The following SYNPO2 variants were observed in gnomAD, a reference collection of about 807,000 sequenced individuals.
SYNPO2 encodes synaptopodin-2.
SYNPO2 carries 56 observed loss-of-function variants against 85.0 expected under a neutral mutation model. The observed-to-expected ratio is 0.66, with a 90% confidence interval of 0.53 to 0.82. The LOEUF is 0.82. Ranked by LOEUF, SYNPO2 falls within the 40% of genes least tolerant of loss-of-function variation. The pLI is 0.00. For synonymous variants in SYNPO2, 602 were observed against 591.1 expected, an observed-to-expected ratio of 1.02 and a Z score of -0.27; for missense variants, 1,575 against 1,534.2, an observed-to-expected ratio of 1.03 and a Z score of -0.44.
Position 119,027,396 on chromosome 4 carries a change from A to T in SYNPO2, c.1027A>T (p.Lys343Ter). ...TEQGEDPRSE[K>*]DHSRPHKHRA... is the part of the protein sequence containing the mutation. The stretch of plus-strand genomic sequence containing the variant: ...GCAGGGAGAAGATCCACGCTCGGAA[A>T]AAGATCACAGCAGACCTCACAAGCA... The change falls in exon 3 of 5, where the codon AAA becomes TAA. Residue 343 changes from lysine to a stop codon, truncating the protein, a stop_gained. Coordinates refer to ENST00000307142, the MANE Select transcript of SYNPO2 (RefSeq NM_133477.3). LOFTEE classifies it high-confidence loss of function. 1.2e-6 allele frequency: 2 copies of T among 1,612,328 alleles called. No homozygotes were observed. Among genetic ancestry groups the T allele is most frequent in the Non-Finnish European group, 1.7e-6 (2 of 1,179,406 alleles).
At chr4:118,887,963 C>G (rs1732237000), upstream of SYNPO2, among the ~76,000 whole-genome samples, 1 of 152,046 alleles carries the variant, frequency 6.6e-6, no homozygotes, top group Non-Finnish European at 1.5e-5. Flanking sequence ...ATTAAAATGT[C>G]CTTTTTGTAC....
At chr4:118,931,070 A>G (rs1240513586) in intron 1 of SYNPO2, among the ~76,000 whole-genome samples, 1 of 152,184 alleles carries the variant, frequency 6.6e-6, no homozygotes, top group Non-Finnish European at 1.5e-5. Context: ...ATATTGTTAT[A>G]TTTATTATGT....
intron 1 of SYNPO2, among the ~76,000 whole-genome samples, chr4:118,881,689 G>A (rs1732105274): frequency 6.6e-6 from 1 of 152,164 alleles, no homozygotes; most frequent in Non-Finnish European, 1.5e-5. Context: ...TTTTCCCTAA[G>A]CCACGTTCGG....
intron 1 of SYNPO2, among the ~76,000 whole-genome samples, chr4:118,953,388 C>G (rs1347321387): frequency 1.3e-5 from 2 of 152,152 alleles, no homozygotes. Flanking sequence ...ATTCTAACCC[C>G]TGAGCAGGGC....
chr4:118,996,494 T>G (rs982752406), intron 1 of SYNPO2, among the ~76,000 whole-genome samples: 2 of 152,146 alleles, frequency 1.3e-5, no homozygotes, highest in Non-Finnish European at 2.9e-5. Flanking sequence ...AGTGATTGAA[T>G]AAACAAAACA....
chr4:119,026,488 T>C (rs1737948391), intron 2 of SYNPO2, 139 bp from the exon 3 acceptor site: 2 of 936,640 alleles, frequency 2.1e-6, no homozygotes, highest in Non-Finnish European at 3.1e-6. Flanking sequence ...CCTTCTGTTT[T>C]CAAATATGTT....
chr4:118,957,244 A>G (rs1392275972), intron 1 of SYNPO2, among the ~76,000 whole-genome samples: 1 of 152,118 alleles, frequency 6.6e-6, no homozygotes, highest in Non-Finnish European at 1.5e-5. Flanking sequence ...GTGATCTTCC[A>G]TGGCAGGGAC....
chr4:118,934,572 C>T (rs571151398), intron 1 of SYNPO2, among the ~76,000 whole-genome samples: 1 of 152,302 alleles, frequency 6.6e-6, no homozygotes, highest in South Asian at 2.1e-4. Context: ...CAAACCCCTT[C>T]CCACCACTCC....
rs1246770004 is a variant in SYNPO2 at position 119,031,471 on chromosome 4, G to A, written c.2696G>A (p.Arg899Gln). The change falls in exon 4 of 5, where the codon CGA becomes CAA. Residue 899 changes from arginine to glutamine, a missense_variant. Arg to Gln is a conservative substitution (Grantham distance 43, BLOSUM62 1). Transcript: ENST00000307142. Reference protein sequence around the residue: ...DSDTVQAHAARAQSPTPSLPA... With the variant: ...DSDTVQAHAAQAQSPTPSLPA... ...GACACGGTGCAGGCCCACGCTGCTC[G>A]AGCTCAGTCTCCCACTCCATCTCTC... 6.2e-7 allele frequency: 1 copy of A among 1,614,084 alleles called. No homozygotes were observed. The highest frequency in any genetic ancestry group is 8.5e-7 in the Non-Finnish European group (1 of 1,180,020).
chr4:118,990,983 A>T (rs955580422), intron 1 of SYNPO2, among the ~76,000 whole-genome samples: 6 of 152,180 alleles, frequency 3.9e-5, no homozygotes, highest in African/African-American at 1.4e-4. Flanking sequence ...GCAGCTCCAC[A>T]TGCAGCCTGA....
At chr4:118,892,538 T>C (rs1732410067) in intron 1 of SYNPO2, among the ~76,000 whole-genome samples, 1 of 152,190 alleles carries the variant, frequency 6.6e-6, no homozygotes, top group Non-Finnish European at 1.5e-5. Flanking sequence ...CATGTACTTA[T>C]CTGGCCCTGT....
At chr4:119,016,133 T>G (rs1737516857) in intron 1 of SYNPO2, among the ~76,000 whole-genome samples, 1 of 152,348 alleles carries the variant, frequency 6.6e-6, no homozygotes, top group Non-Finnish European at 1.5e-5. Flanking sequence ...GAGAGCTTAC[T>G]TGTAAGTTCT....
At chr4:118,908,688 AC>A (rs1337350352) in intron 1 of SYNPO2, among the ~76,000 whole-genome samples, 1 of 152,152 alleles carries the variant, frequency 6.6e-6, no homozygotes, top group African/African-American at 2.4e-5. Context: ...TTTGGGAGAT[AC>A]GTGAAAATAG....
At chr4:118,971,857 A>G (rs1280823102) in intron 1 of SYNPO2, among the ~76,000 whole-genome samples, 1 of 77,156 alleles carries the variant, frequency 1.3e-5, no homozygotes, top group Non-Finnish European at 3.2e-5. Context: ...CAGAAGTGTT[A>G]TGTTCTCCCA....
chr4:118,958,751 T>C (rs894274251), intron 1 of SYNPO2, among the ~76,000 whole-genome samples: 4 of 152,212 alleles, frequency 2.6e-5, no homozygotes, highest in African/African-American at 9.6e-5. Flanking sequence ...GTCATGTTTC[T>C]TCCAGGAGCA....
intron 1 of SYNPO2, among the ~76,000 whole-genome samples, chr4:119,018,749 G>A (rs1737610402): frequency 6.6e-6 from 1 of 152,038 alleles, no homozygotes; most frequent in Non-Finnish European, 1.5e-5. Context: ...GTGTTTTGTG[G>A]CATGACTATA....
chr4:118,856,118 G>A (rs115994609), intron 1 of SYNPO2, among the ~76,000 whole-genome samples: 6,265 of 152,228 alleles, frequency 0.041, 197 homozygotes, highest in Non-Finnish European at 0.064. Context: ...TGGCCCCACA[G>A]CTAGTCAGCG....
chr4:118,997,797 G>C (rs1283323295), intron 1 of SYNPO2, among the ~76,000 whole-genome samples: 3 of 152,198 alleles, frequency 2.0e-5, no homozygotes, highest in African/African-American at 7.2e-5. Flanking sequence ...CATTCAGAAA[G>C]ACACATTCTT....
intron 2 of SYNPO2, 113 bp downstream of exon 2, chr4:119,023,694 GAAGGTTAGGTATAGTTAA>G: frequency 8.0e-7 from 1 of 1,249,738 alleles, no homozygotes; most frequent in Non-Finnish European, 1.1e-6. Flanking sequence ...GTGCTTTGTA[GAAGGTTAGGTATAGTTAA>G]ACAGAAACAC....
Sources: gnomAD v4.1 joint callset for allele counts (sites outside exome capture counted in the v4.1 genomes callset) on GRCh38, gnomAD v4.1.1 for gene constraint, MANE v1.5 for transcripts, NCBI Gene and HGNC (gene_info 2026-07-23, HGNC 2026-07-21) for gene names.